SPTB: variants seen among roughly 807,000 people sequenced by gnomAD.
SPTB encodes the protein spectrin beta, erythrocytic, also known as spectrin beta chain, erythrocytic.
SPTB carries 45 observed loss-of-function variants against 256.2 expected under a neutral mutation model. That is an observed-to-expected ratio of 0.18 (90% CI 0.14 to 0.23). The LOEUF (loss-of-function observed/expected upper bound fraction) is 0.23. Ranked by LOEUF, SPTB falls within the 10% of genes least tolerant of loss-of-function variation. The probability of loss-of-function intolerance (pLI) is 1.00; values close to 1 mark genes in which losing one functional copy is unlikely to be tolerated. For missense variants in SPTB, 2,715 were observed against 3,040.4 expected (o/e 0.89, Z 2.52); for synonymous variants, 1,231 against 1,243.1 (o/e 0.99, Z 0.21).
intron 1 of SPTB, among the ~76,000 whole-genome samples, chr14:64,849,347 G>A (rs1296611862): frequency 6.6e-6 from 1 of 152,146 alleles, no homozygotes; most frequent in African/African-American, 2.4e-5. Context: ...ACGAGAGGTG[G>A]GTTAGCCCTG....
At chr14:64,801,253 A>G (rs1349270416) in intron 7 of SPTB, 32 bp downstream of exon 7, 2 of 1,568,242 alleles carry the variant, frequency 1.3e-6, no homozygotes, top group Non-Finnish European at 1.8e-6. Flanking sequence ...CCACTGCTGC[A>G]GCAAAGGCTG....
Position 64,779,071 on chromosome 14 carries a change from T to C in SPTB, c.4563+86A>G. On this transcript the variant is annotated intron_variant, in intron 22 of 35. Coordinates refer to ENST00000644917, the MANE Select transcript of SPTB (RefSeq NM_001355436.2). This position sits in a 1 kb window ranked among gnomAD's most constrained non-coding sequence, Gnocchi z 4.2. ...CAATAATCTGCTGTTGCTAGCCTTC[T>C]GCAGGTCAGGGCTGGGCCTACCCCC... The C allele has an allele frequency of 1.0e-6, 1 of 997,268 alleles. No homozygotes were observed. The highest frequency in any genetic ancestry group is 2.0e-5 in the Admixed American group (1 of 50,660). The allele number at this position is 997,268 out of a possible 1,614,324, so 61.8% of individuals were successfully genotyped here. A position where few individuals can be genotyped will look rare whatever the true frequency, so the allele number is the denominator to read the frequency against.
chr14:64,809,351 ATTTG>A (rs1407106957), intron 2 of SPTB, among the ~76,000 whole-genome samples: 8 of 146,982 alleles, frequency 5.4e-5, no homozygotes, highest in South Asian at 2.2e-4. Flanking sequence ...TGGTTTATTT[ATTTG>A]TTTATTTTGA....
chr14:64,856,846 G>T (rs1184290828), intron 1 of SPTB, among the ~76,000 whole-genome samples: 3 of 152,218 alleles, frequency 2.0e-5, no homozygotes, highest in Admixed American at 2.0e-4. Flanking sequence ...AAGGAAGGAT[G>T]GCTCCAGAGA....
chr14:64,766,076 C>CTGGG (rs2082173954), intron 32 of SPTB, among the ~76,000 whole-genome samples: 1 of 129,438 alleles, frequency 7.7e-6, no homozygotes, highest in Non-Finnish European at 1.7e-5. Context: ...GGGGTGTGGT[C>CTGGG]TGTATGAGTA....
chr14:64,760,928 G>A lies in SPTB; in HGVS notation c.6345+5798C>T, dbSNP rs887015872. On this transcript the variant is annotated intron_variant, in intron 32 of 35. Coordinates refer to ENST00000644917, the MANE Select transcript of SPTB (RefSeq NM_001355436.2). This position sits in a 1 kb window ranked among gnomAD's most constrained non-coding sequence, Gnocchi z 4.3. ...AATTCTCCTGCAAGAGAGGAGACCT[G>A]TATCCTCACTCCAGAGGAAAGCACC... Among the ~76,000 whole-genome samples the A allele has an allele frequency of 2.0e-5, 3 of 152,210 alleles. No homozygotes were observed. The highest frequency in any genetic ancestry group is 7.2e-5 in the African/African-American group (3 of 41,454).
At chr14:64,836,954 G>A (rs1249063088) in intron 1 of SPTB, among the ~76,000 whole-genome samples, 2 of 152,206 alleles carry the variant, frequency 1.3e-5, no homozygotes, top group African/African-American at 4.8e-5. Flanking sequence ...AGGCCAATGG[G>A]TGAGAAACGG....
At position 64,793,144 on chromosome 14, in the gene SPTB, C is replaced by T. The variant is rs146326769; in HGVS notation, c.2519G>A (p.Arg840His). The change falls in exon 14 of 36, where the codon CGT becomes CAT. Residue 840 changes from arginine (R) to histidine (H), a missense_variant. By Grantham distance (29) the Arg-to-His change is conservative. Coordinates refer to ENST00000644917, the MANE Select transcript of SPTB (RefSeq NM_001355436.2). This position sits in a 1 kb window ranked among gnomAD's most constrained non-coding sequence, Gnocchi z 7.0. ...YQQVVAQADLRQQRLQEALDL... is the reference protein window; with the variant it reads ...YQQVVAQADLHQQRLQEALDL... ...CAGGGCTTCCTGCAGCCTCTGCTGA[C>T]GCAGGTCCGCCTGGGCCACCACCTG... The T allele has an allele frequency of 9.7e-4, 1,573 of 1,613,986 alleles. 2 individuals carry two copies. The highest frequency in any genetic ancestry group is 1.2e-3 in the Non-Finnish European group (1,418 of 1,180,046).
intron 32 of SPTB, among the ~76,000 whole-genome samples, chr14:64,762,032 G>A (rs181412900): frequency 6.6e-6 from 1 of 152,284 alleles, no homozygotes; most frequent in African/African-American, 2.4e-5. Context: ...TCTGACCACA[G>A]CAAGGAGAAA....
intron 33 of SPTB, chr14:64,752,128 C>G: frequency 8.1e-7 from 1 of 1,239,720 alleles, no homozygotes; most frequent in Admixed American, 2.5e-5. Context: ...CAAAAAAAGA[C>G]AAATAGGGCT....
chr14:64,859,718 C>A (rs140049702), intron 1 of SPTB, among the ~76,000 whole-genome samples: 602 of 19,452 alleles, frequency 0.031, 6 homozygotes, highest in East Asian at 0.11. Flanking sequence ...CTCTCTCTCT[C>A]TCTATATATA....
chr14:64,770,907 T>A lies in SPTB; in HGVS notation c.5776A>T (p.Ile1926Phe). The stretch of plus-strand genomic sequence containing the variant: ...CACCTGGGCCTCTCCTGGGTCTCGA[T>A]CTGCCGGATGATGCTCTCCATCCAG... ...LSWMESIIRQ[I>F]ETQERPRDVS... is the part of the protein sequence containing the mutation. Residue 1926 changes from isoleucine (I) to phenylalanine (F), a missense_variant, in exon 27 of 36, where the codon ATC becomes TTC. Coordinates refer to ENST00000644917, the MANE Select transcript of SPTB (RefSeq NM_001355436.2). 1 of 1,614,096 alleles carries A rather than the reference T, an allele frequency of 6.2e-7. No homozygotes were observed. Among genetic ancestry groups the A allele is most frequent in the Non-Finnish European group, 8.5e-7 (1 of 1,180,024 alleles).
intron 1 of SPTB, among the ~76,000 whole-genome samples, chr14:64,832,554 T>C (rs1566792794): frequency 1.3e-5 from 2 of 152,220 alleles, no homozygotes; most frequent in African/African-American, 4.8e-5. Context: ...TACCATCTTA[T>C]GCTAATGACT....
intron 1 of SPTB, among the ~76,000 whole-genome samples, chr14:64,859,168 C>T (rs1207936433): frequency 1.3e-5 from 2 of 151,972 alleles, no homozygotes; most frequent in African/African-American, 4.8e-5. Flanking sequence ...GCACGAGAAT[C>T]GCTTGAACCC....
rs1489004396 is a variant in SPTB, at chr14:64,796,305, CACTACAGGCCCACATAAGACA to C, written c.1341+231_1341+251del. On this transcript the variant is annotated intron_variant, in intron 11 of 35. Coordinates refer to ENST00000644917, the MANE Select transcript of SPTB (RefSeq NM_001355436.2). This position sits in a 1 kb window ranked among gnomAD's most constrained non-coding sequence, Gnocchi z 4.1. ...CAACTGAAACCCCAGCTGTAGTTGA[CACTACAGGCCCACATAAGACA>C]ACTTCAGCGGCCAGTTCTAGACTCC... Among the ~76,000 whole-genome samples the C allele has an allele frequency of 1.3e-5, 2 of 152,164 alleles. No homozygotes were observed. Among genetic ancestry groups the C allele is most frequent in the Non-Finnish European group, 2.9e-5 (2 of 68,026 alleles).
At chr14:64,776,184 T>C (rs938914895) in intron 22 of SPTB, among the ~76,000 whole-genome samples, 1 of 152,194 alleles carries the variant, frequency 6.6e-6, no homozygotes, top group Admixed American at 6.5e-5. Flanking sequence ...ATAATTTTCC[T>C]GTGGCCTTTA....
rs1450808538 is a variant in SPTB at position 64,760,101 on chromosome 14, A to T, written c.6346-6308T>A. Among the ~76,000 whole-genome samples the T allele has an allele frequency of 6.6e-6, 1 of 152,166 alleles. No individual in the cohort carries two copies. ...TGGGGTCTCACAGGATTGTAGTCAAACCAACAGGGAGAGGCCACAGGCTCC... is the reference window on the plus strand; with the variant it reads ...TGGGGTCTCACAGGATTGTAGTCAATCCAACAGGGAGAGGCCACAGGCTCC... On this transcript the variant is annotated intron_variant, in intron 32 of 35. Coordinates refer to ENST00000644917, the MANE Select transcript of SPTB (RefSeq NM_001355436.2). The surrounding 1 kb of genome is among the most constrained non-coding windows in gnomAD (Gnocchi z 4.3).
chr14:64,842,390 G>A (rs942762071), intron 1 of SPTB, among the ~76,000 whole-genome samples: 14 of 152,174 alleles, frequency 9.2e-5, no homozygotes, highest in East Asian at 3.9e-4. Context: ...ACTTTGATCC[G>A]GGGACGTGAA....
intron 29 of SPTB, 74 bp from the exon 30 acceptor site, chr14:64,767,933 T>G: frequency 6.5e-7 from 1 of 1,548,164 alleles, no homozygotes; most frequent in Admixed American, 1.8e-5. Flanking sequence ...CACTCCTGAT[T>G]GGGGCCAGTG....
Sources: allele counts gnomAD v4.1 joint callset (sites outside exome capture counted in the v4.1 genomes callset), GRCh38; gene constraint gnomAD v4.1.1; non-coding constraint Gnocchi (gnomAD v3.1); transcripts MANE v1.5; gene names NCBI Gene and HGNC (gene_info 2026-07-23, HGNC 2026-07-21).